The following PRPF3 variants were observed in gnomAD, a reference collection of about 807,000 sequenced individuals.
The protein encoded by PRPF3 is U4/U6 small nuclear ribonucleoprotein Prp3.
A neutral mutation model predicts 89.2 loss-of-function variants in PRPF3; 3 were observed. The observed-to-expected ratio is 0.03, with a 90% confidence interval of 0.02 to 0.09. The LOEUF is 0.09. Ranked by LOEUF, PRPF3 falls within the 10% of genes least tolerant of loss-of-function variation. PRPF3 has a pLI of 1.00. For synonymous variants in PRPF3, 270 were observed against 289.1 expected (o/e 0.93, Z 0.67); for missense variants, 463 against 828.8 (o/e 0.56, Z 5.42).
At chr1:150,334,431 G>A (rs1381617039) in intron 6 of PRPF3, among the ~76,000 whole-genome samples, 2 of 151,960 alleles carry the variant, frequency 1.3e-5, no homozygotes, top group East Asian at 1.9e-4. Flanking sequence ...CAGTGATCTC[G>A]GCTCCCTGCA....
intron 6 of PRPF3, among the ~76,000 whole-genome samples, chr1:150,334,719 G>A (rs1178096994): frequency 2.1e-4 from 32 of 151,816 alleles, no homozygotes; most frequent in Admixed American, 2.0e-3. Flanking sequence ...ACAGGTATAT[G>A]CCACCGCACC....
intron 7 of PRPF3, among the ~76,000 whole-genome samples, chr1:150,337,749 G>A (rs1657193252): frequency 7.1e-6 from 1 of 141,666 alleles, no homozygotes; most frequent in Non-Finnish European, 1.5e-5. Context: ...GGGTGACAGA[G>A]TGAGACTCCG....
intron 9 of PRPF3, among the ~76,000 whole-genome samples, chr1:150,341,603 C>T (rs1657732654): frequency 6.6e-6 from 1 of 151,890 alleles, no homozygotes; most frequent in African/African-American, 2.4e-5. Flanking sequence ...CAGGGTTTCA[C>T]CATGTTTGGT....
At position 150,332,752 on chromosome 1, in the gene PRPF3, C is replaced by T; in HGVS notation, c.492C>T (p.Ser164=). 1 of 1,613,944 alleles carries T rather than the reference C, an allele frequency of 6.2e-7. No homozygotes were observed. The highest frequency in any genetic ancestry group is 8.5e-7 in the Non-Finnish European group (1 of 1,179,894). Residue 164 remains serine, a synonymous_variant, in exon 5 of 16, where the codon AGC becomes AGT. Coordinates refer to ENST00000324862, the MANE Select transcript of PRPF3 (RefSeq NM_004698.4). ...GGAAAAAACAGCTGAGCTTCATTAG[C>T]CCCCCTACACCTCAGGTATTGTGTC... ...EERKKQLSFI[S]PPTPQPKTPS... is the part of the protein sequence containing the mutation.
intron 8 of PRPF3, among the ~76,000 whole-genome samples, chr1:150,338,796 T>G (rs1657337159): frequency 6.6e-6 from 1 of 152,180 alleles, no homozygotes; most frequent in Admixed American, 6.5e-5. Flanking sequence ...ATTACAGGCG[T>G]GAGCCACTGC....
intron 10 of PRPF3, among the ~76,000 whole-genome samples, 196 bp downstream of exon 10, chr1:150,343,648 C>T (rs1480377196): frequency 2.0e-5 from 3 of 152,132 alleles, no homozygotes; most frequent in Admixed American, 2.0e-4. Flanking sequence ...CCATTTATGG[C>T]TTATTTTTAA....
intron 3 of PRPF3, among the ~76,000 whole-genome samples, chr1:150,326,312 G>C (rs1553863739): frequency 6.6e-6 from 1 of 152,080 alleles, no homozygotes; most frequent in Non-Finnish European, 1.5e-5. Context: ...CAATGCACTT[G>C]TAGATAGAAT....
chr1:150,329,281 A>C (rs1433225823), intron 4 of PRPF3, among the ~76,000 whole-genome samples: 2 of 151,974 alleles, frequency 1.3e-5, no homozygotes, highest in African/African-American at 4.8e-5. Flanking sequence ...CTGCCACCTC[A>C]GCCGCCCAAA....
intron 9 of PRPF3, 136 bp downstream of exon 9, chr1:150,340,613 A>C (rs1371181924): frequency 1.4e-6 from 1 of 738,784 alleles, no homozygotes; most frequent in Non-Finnish European, 2.4e-6. Flanking sequence ...TTTTTAATTC[A>C]GTTTTTTTCC....
intron 7 of PRPF3, among the ~76,000 whole-genome samples, chr1:150,336,622 G>T (rs1028176635): frequency 6.6e-6 from 1 of 152,030 alleles, no homozygotes; most frequent in African/African-American, 2.4e-5. Flanking sequence ...CGAGCGTGGT[G>T]GTGGGTGCCT....
chr1:150,352,811 T>TTATTATATATCTCTTTTC, intron 15 of PRPF3, 22 bp from the exon 16 acceptor site: 1 of 1,611,948 alleles, frequency 6.2e-7, no homozygotes, highest in Non-Finnish European at 8.5e-7. Context: ...TGAAGTGTTT[T>TTATTATATATCTCTTTTC]TATTATATAT....
intron 12 of PRPF3, 133 bp downstream of exon 12, chr1:150,344,680 G>A (rs1372401492): frequency 7.4e-6 from 7 of 940,890 alleles, no homozygotes; most frequent in Non-Finnish European, 1.2e-5. Context: ...CCCTAGTGTG[G>A]ATCAAGAGCT....
Position 150,334,944 on chromosome 1 carries a change from G to A in PRPF3, c.738G>A (p.Glu246=), listed in dbSNP as rs1553866822. 6 of 1,614,018 alleles carry A rather than the reference G, an allele frequency of 3.7e-6. No individual in the cohort carries two copies. The South Asian group carries it at 6.6e-5, about 18-fold the overall frequency. ...GCGGGCTATTTTTCAGGAAGGTGGAGTTAAAAGACCAAACGAAACCTACAC... is the reference window on the plus strand; with the variant it reads ...GCGGGCTATTTTTCAGGAAGGTGGAATTAAAAGACCAAACGAAACCTACAC... ...HAMGIAPPKV[E]LKDQTKPTPL... The change falls in exon 7 of 16, where the codon GAG becomes GAA. Residue 246 remains glutamate, a synonymous_variant. Transcript: ENST00000324862.
chr1:150,343,140 G>T (rs1326602557), intron 9 of PRPF3, 169 bp from the exon 10 acceptor site: 9 of 263,924 alleles, frequency 3.4e-5, no homozygotes, highest in Non-Finnish European at 6.2e-5. Flanking sequence ...TACTCGGGAG[G>T]CTGAGGCAGG....
intron 9 of PRPF3, 112 bp downstream of exon 9, chr1:150,340,589 A>G: frequency 1.2e-6 from 1 of 813,498 alleles, no homozygotes; most frequent in Non-Finnish European, 2.1e-6. Context: ...GCCACTACCC[A>G]TGTGTAATTC....
chr1:150,334,022 T>C (rs1218881420), intron 6 of PRPF3, among the ~76,000 whole-genome samples: 1 of 152,156 alleles, frequency 6.6e-6, no homozygotes, highest in African/African-American at 2.4e-5. Flanking sequence ...AAGATACTAT[T>C]GGCAGGGCGC....
chr1:150,349,045 G>A lies in PRPF3; in HGVS notation c.1844-112G>A, dbSNP rs1658621501. On this transcript the variant is annotated intron_variant, in intron 14 of 15. Coordinates refer to ENST00000324862, the MANE Select transcript of PRPF3 (RefSeq NM_004698.4). ...AGAGCAACAGAAAAGAGAACACTTG[G>A]TCCAACACATAAAAAGGGTGATAAT... The A allele has an allele frequency of 5.5e-6, 5 of 904,474 alleles. No individual in the cohort carries two copies. In the African/African-American group the frequency reaches 8.2e-5, roughly 15 times the overall value. The allele number at this position is 904,474 out of a possible 1,614,324, so 56.0% of individuals were successfully genotyped here.
rs1560112363 is a variant in PRPF3 at position 150,343,300 on chromosome 1, G to A, written c.1283-9G>A. ...ACTGCTTTGGTATACTAATATCTCT[G>A]CCTGACAGTTGACAATGACACACCA... On this transcript the variant is annotated splice_polypyrimidine_tract_variant and intron_variant, in intron 9 of 15. Transcript: ENST00000324862. The A allele has an allele frequency of 6.2e-7, 1 of 1,605,014 alleles. No individual in the cohort carries two copies. The highest frequency in any genetic ancestry group is 8.5e-7 in the Non-Finnish European group (1 of 1,175,146).
In PRPF3 at chr1:150,328,372, A is replaced by G. The variant is rs1553864392; in HGVS notation, c.329A>G (p.Lys110Arg). ...EISKESSGVK[K>R]RRIPRFEEVE... The stretch of plus-strand genomic sequence containing the variant: ...TCTAAAGAATCATCAGGAGTAAAGA[A>G]GCGACGAATACCCCGTTTTGAGGAG... The change falls in exon 4 of 16, where the codon AAG becomes AGG. Residue 110 changes from lysine to arginine, a missense_variant. Lys to Arg is a conservative substitution (Grantham distance 26). This residue lies in a region of PRPF3 where 28 missense variants were observed against 48.1 expected (regional missense o/e 0.58). Coordinates refer to ENST00000324862, the MANE Select transcript of PRPF3 (RefSeq NM_004698.4). 6.2e-7 allele frequency: 1 copy of G among 1,613,836 alleles called. No homozygotes were observed. The highest frequency in any genetic ancestry group is 1.3e-5 in the African/African-American group (1 of 74,850).
Sources: allele counts gnomAD v4.1 joint callset (sites outside exome capture counted in the v4.1 genomes callset), GRCh38; gene constraint gnomAD v4.1.1; regional missense constraint gnomAD v4.1.1; transcripts MANE v1.5; gene names NCBI Gene and HGNC (gene_info 2026-07-23, HGNC 2026-07-21).